Variants in STARD9 observed in about 807,000 individuals in gnomAD.
The protein encoded by STARD9 is stAR-related lipid transfer protein 9.
In STARD9, 346 loss-of-function variants were observed where a neutral mutation model predicts 399.8. The ratio of observed to expected loss-of-function variants is 0.87; its 90% CI spans 0.79 to 0.95. The LOEUF (loss-of-function observed/expected upper bound fraction) is 0.95, where lower values mean the gene tolerates loss of function less well. Ranked by LOEUF, STARD9 falls within the 40% of genes least tolerant of loss-of-function variation. The pLI, the probability that STARD9 is intolerant of heterozygous loss-of-function variation, is 0.00. For synonymous variants in STARD9, 2,203 were observed against 2,143.5 expected, an observed-to-expected ratio of 1.03 and a Z score of -0.77; for missense variants, 5,832 against 5,667.5, an observed-to-expected ratio of 1.03 and a Z score of -0.93.
intron 3 of STARD9, among the ~76,000 whole-genome samples, chr15:42,602,733 T>G (rs1007067058): frequency 6.6e-6 from 1 of 152,180 alleles, no homozygotes; most frequent in East Asian, 1.9e-4. Flanking sequence ...AAGTCATACC[T>G]CTATGGTAAA....
intron 3 of STARD9, among the ~76,000 whole-genome samples, chr15:42,619,636 T>A (rs1429412096): frequency 6.6e-6 from 1 of 152,078 alleles, no homozygotes; most frequent in Non-Finnish European, 1.5e-5. Context: ...TTCACACTCT[T>A]GTGAAAATGT....
At chr15:42,616,006 A>G (rs1472110830) in intron 3 of STARD9, among the ~76,000 whole-genome samples, 1 of 152,160 alleles carries the variant, frequency 6.6e-6, no homozygotes, top group Admixed American at 6.6e-5. Context: ...TACTTCAATG[A>G]GTAGGATTGG....
At chr15:42,678,058 C>A (rs1481827805) in intron 20 of STARD9, among the ~76,000 whole-genome samples, 2 of 152,230 alleles carry the variant, frequency 1.3e-5, no homozygotes, top group African/African-American at 4.8e-5. Flanking sequence ...ACTGTCTCCA[C>A]TCTTGAGCAC....
At chr15:42,583,695 T>TG (rs1437477312) in intron 2 of STARD9, among the ~76,000 whole-genome samples, 1 of 152,178 alleles carries the variant, frequency 6.6e-6, no homozygotes, top group Non-Finnish European at 1.5e-5. Flanking sequence ...TGGGATGTTT[T>TG]GGGGGCAATA....
In STARD9 at chr15:42,682,323, A is replaced by G; in HGVS notation, c.2285A>G (p.Asn762Ser). The stretch of plus-strand genomic sequence containing the variant: ...CACACTCTTCGGGCAGCAGAGCGGA[A>G]TGTCCGGCGGAAAAAGGTCTCATTC... Reference protein sequence around the residue: ...RRHTLRAAERNVRRKKVSFQL... With the variant: ...RRHTLRAAERSVRRKKVSFQL... Residue 762 changes from asparagine (N) to serine (S), a missense_variant, in exon 22 of 33, where the codon AAT becomes AGT. Asn to Ser is a conservative substitution (Grantham distance 46). Transcript: ENST00000290607. 2.6e-6 allele frequency: 4 copies of G among 1,537,246 alleles called. No homozygotes were observed. Among genetic ancestry groups the G allele is most frequent in the Non-Finnish European group, 3.5e-6 (4 of 1,146,888 alleles).
intron 26 of STARD9, among the ~76,000 whole-genome samples, chr15:42,696,470 C>T (rs952470760): frequency 2.0e-5 from 3 of 152,154 alleles, no homozygotes; most frequent in African/African-American, 7.2e-5. Context: ...TGAGAAGGGA[C>T]TAGAAAATCA....
rs1399301245 is a variant in STARD9 at position 42,690,728 on chromosome 15, C to G, written c.9150C>G (p.Val3050=). 6.5e-7 allele frequency: 1 copy of G among 1,537,252 alleles called. No homozygotes were observed. ...STCEPSTVAA[V]LSRAQGCRSP... is the part of the protein sequence containing the mutation. ...GTGAGCCTTCTACTGTGGCTGCTGT[C>G]CTATCTCGAGCTCAAGGCTGCAGAT... The change falls in exon 23 of 33, where the codon GTC becomes GTG. Residue 3050 remains valine, a synonymous_variant. Transcript: ENST00000290607.
At chr15:42,678,855 A>C (rs1387310365) in intron 20 of STARD9, among the ~76,000 whole-genome samples, 1 of 152,132 alleles carries the variant, frequency 6.6e-6, no homozygotes. Context: ...TTTCTTTTTC[A>C]CCTGCTTTCT....
chr15:42,622,486 G>A (rs560321999), intron 3 of STARD9, among the ~76,000 whole-genome samples: 12 of 152,058 alleles, frequency 7.9e-5, no homozygotes, highest in African/African-American at 2.7e-4. Context: ...TCCCACCTCC[G>A]ACTCTTGATT....
intron 7 of STARD9, among the ~76,000 whole-genome samples, chr15:42,639,689 C>G (rs964857383): frequency 6.6e-6 from 1 of 151,974 alleles, no homozygotes; most frequent in Non-Finnish European, 1.5e-5. Context: ...ATGGTGAAAC[C>G]TTATCTCTAC....
chr15:42,695,381 C>T (rs914675726), intron 25 of STARD9, 58 bp downstream of exon 25: 48 of 1,425,440 alleles, frequency 3.4e-5, no homozygotes, highest in Middle Eastern at 1.8e-4. Context: ...GACTGGTACA[C>T]CTTCACCGTG....
intron 1 of STARD9, chr15:42,581,119 G>T: frequency 1.4e-6 from 1 of 719,852 alleles, no homozygotes; most frequent in East Asian, 2.7e-5. Flanking sequence ...AATCCTTGCA[G>T]GAGAGTCAGA....
At chr15:42,645,758 T>C (rs973027458) in intron 7 of STARD9, among the ~76,000 whole-genome samples, 10 of 152,108 alleles carry the variant, frequency 6.6e-5, no homozygotes, top group Admixed American at 5.9e-4. Context: ...CCCAGGCTGG[T>C]CTTGAACTTG....
intron 3 of STARD9, among the ~76,000 whole-genome samples, chr15:42,625,109 C>T (rs910202088): frequency 6.6e-6 from 1 of 152,178 alleles, no homozygotes; most frequent in Non-Finnish European, 1.5e-5. Context: ...CCACTGCAAC[C>T]TCTGCCTCCC....
chr15:42,645,993 T>C (rs2141968527), intron 7 of STARD9, among the ~76,000 whole-genome samples: 1 of 151,994 alleles, frequency 6.6e-6, no homozygotes, highest in East Asian at 1.9e-4. Flanking sequence ...AACCCCCATA[T>C]CTACTAAAAA....
At chr15:42,582,175 C>T (rs1464575254) in intron 1 of STARD9, among the ~76,000 whole-genome samples, 1 of 152,148 alleles carries the variant, frequency 6.6e-6, no homozygotes, top group East Asian at 1.9e-4. Flanking sequence ...TCTAAAGACC[C>T]CTGTCTCACT....
At chr15:42,637,776 C>A (rs2059446398) in intron 4 of STARD9, 131 bp from the exon 5 acceptor site, 1 of 894,440 alleles carries the variant, frequency 1.1e-6, no homozygotes, top group Non-Finnish European at 1.8e-6. Context: ...AGTGAAACTG[C>A]CTGGAGTGAA....
chr15:42,586,092 A>C (rs924284185), intron 3 of STARD9, among the ~76,000 whole-genome samples: 11 of 152,204 alleles, frequency 7.2e-5, no homozygotes, highest in African/African-American at 2.4e-4. Flanking sequence ...CAAGACATCA[A>C]AGTTGGCTAG....
At chr15:42,628,778 T>C (rs2059274626) in intron 3 of STARD9, among the ~76,000 whole-genome samples, 1 of 152,162 alleles carries the variant, frequency 6.6e-6, no homozygotes, top group Admixed American at 6.6e-5. Context: ...TTTTGTTCTA[T>C]TGGTCTGCGT....
Sources: allele counts gnomAD v4.1 joint callset (sites outside exome capture counted in the v4.1 genomes callset), GRCh38; gene constraint gnomAD v4.1.1; transcripts MANE v1.5; gene names NCBI Gene and HGNC (gene_info 2026-07-23, HGNC 2026-07-21).